SCAMP1: variants seen among roughly 807,000 people sequenced by gnomAD.
SCAMP1 encodes the protein secretory carrier membrane protein 1, also known as secretory carrier-associated membrane protein 1.
SCAMP1 carries 15 observed loss-of-function variants against 41.8 expected under a neutral mutation model. The observed-to-expected ratio is 0.36, with a 90% confidence interval of 0.24 to 0.55. The LOEUF (loss-of-function observed/expected upper bound fraction) is 0.55, where lower values mean the gene tolerates loss of function less well. Ranked by LOEUF, SCAMP1 falls within the 20% of genes least tolerant of loss-of-function variation. The probability of loss-of-function intolerance (pLI) is 0.86; values close to 1 mark genes in which losing one functional copy is unlikely to be tolerated. For missense variants in SCAMP1, 341 were observed against 412.6 expected, an observed-to-expected ratio of 0.83 and a Z score of 1.50; for synonymous variants, 135 against 136.8, an observed-to-expected ratio of 0.99 and a Z score of 0.09.
chr5:78,449,863 A>T, intron 6 of SCAMP1, 70 bp from the exon 7 acceptor site: 1 of 804,038 alleles, frequency 1.2e-6, no homozygotes, highest in East Asian at 2.6e-5. Context: ...TAATGAGAAA[A>T]ATGACGTTTT....
At chr5:78,384,979 G>T (rs965333738) in intron 1 of SCAMP1, among the ~76,000 whole-genome samples, 3 of 152,084 alleles carry the variant, frequency 2.0e-5, no homozygotes, top group Admixed American at 6.6e-5. Flanking sequence ...ATGATTTAGG[G>T]GGGGATTCCC....
intron 7 of SCAMP1, among the ~76,000 whole-genome samples, chr5:78,456,655 A>T (rs10060230): frequency 0.76 from 112,467 of 148,040 alleles, 43,389 homozygotes; most frequent in African/African-American, 0.84. Context: ...ATCTGACAAT[A>T]ATGTGTCTTG....
At chr5:78,421,405 T>C (rs1343798987) in intron 5 of SCAMP1, among the ~76,000 whole-genome samples, 3 of 152,202 alleles carry the variant, frequency 2.0e-5, no homozygotes, top group Non-Finnish European at 4.4e-5. Context: ...CCCCATTCTG[T>C]AAAGATATGG....
chr5:78,399,517 G>A (rs1221461262), intron 2 of SCAMP1, among the ~76,000 whole-genome samples: 4 of 152,132 alleles, frequency 2.6e-5, no homozygotes, highest in Admixed American at 2.6e-4. Context: ...CATCTTAATT[G>A]GTGTGTAGTG....
At chr5:78,455,038 A>G (rs1332036322) in intron 7 of SCAMP1, among the ~76,000 whole-genome samples, 1 of 151,662 alleles carries the variant, frequency 6.6e-6, no homozygotes, top group African/African-American at 2.4e-5. Context: ...TATCCCCTTT[A>G]TCATTTTTTA....
At chr5:78,398,355 C>CTTTTTTTTTTTTTTTT (rs1197381285) in intron 2 of SCAMP1, among the ~76,000 whole-genome samples, 3 of 57,464 alleles carry the variant, frequency 5.2e-5, no homozygotes, top group African/African-American at 2.2e-4. Flanking sequence ...GGGTTCACCT[C>CTTTTTTTTTTTTTTTT]TTTTTTTTTT....
chr5:78,421,015 A>T lies in SCAMP1; in HGVS notation c.473-786A>T, dbSNP rs189226327. ...AAATTCAGCCTGTGAATAAATTTTT[A>T]AAAAATCCTTTGAAACAGTTATTAA... On this transcript the variant is annotated intron_variant, in intron 5 of 8. Transcript: ENST00000621999. 3.2e-3 allele frequency among the ~76,000 whole-genome samples: 489 copies of T among 152,334 alleles called. 4 individuals are homozygous for T. The highest frequency in any genetic ancestry group is 3.9e-3 in the Non-Finnish European group (262 of 68,028).
intron 6 of SCAMP1, among the ~76,000 whole-genome samples, chr5:78,432,978 T>G (rs1436648981): frequency 6.6e-6 from 1 of 152,190 alleles, no homozygotes; most frequent in Non-Finnish European, 1.5e-5. Context: ...TCAGTTTCAC[T>G]GATTCTCTCC....
At chr5:78,440,543 T>C (rs1159665581) in intron 6 of SCAMP1, among the ~76,000 whole-genome samples, 1 of 152,220 alleles carries the variant, frequency 6.6e-6, no homozygotes, top group African/African-American at 2.4e-5. Context: ...GAACGGCTAA[T>C]GTTGCTGCCT....
chr5:78,416,764 T>C, intron 4 of SCAMP1, 115 bp downstream of exon 4: 1 of 703,170 alleles, frequency 1.4e-6, no homozygotes, highest in Non-Finnish European at 2.3e-6. Flanking sequence ...TTTCCTGTTC[T>C]AACAAGGAGA....
Position 78,439,220 on chromosome 5 carries a change from G to C in SCAMP1, c.633-10713G>C, listed in dbSNP as rs544502983. Among the ~76,000 whole-genome samples the C allele has an allele frequency of 2.6e-5, 4 of 152,130 alleles. No homozygotes were observed. In the East Asian group the frequency reaches 7.7e-4, roughly 29 times the overall value. ...GGGCATTTAGCCCATTTACATTTAG[G>C]GTTAATATTGTTATGTGTGAATTTG... On this transcript the variant is annotated intron_variant, in intron 6 of 8. Coordinates refer to ENST00000621999, the MANE Select transcript of SCAMP1 (RefSeq NM_004866.6).
intron 8 of SCAMP1, among the ~76,000 whole-genome samples, chr5:78,459,727 A>C (rs1435036150): frequency 1.3e-5 from 2 of 152,084 alleles, no homozygotes; most frequent in African/African-American, 2.4e-5. Flanking sequence ...TGATATGTAC[A>C]TTTTATTCAT....
At chr5:78,472,355 A>G (rs910300265) in intron 8 of SCAMP1, among the ~76,000 whole-genome samples, 1 of 152,052 alleles carries the variant, frequency 6.6e-6, no homozygotes, top group Admixed American at 6.6e-5. Flanking sequence ...CATTATCTAC[A>G]TTAGGTATTT....
chr5:78,392,938 G>A (rs537594203), intron 2 of SCAMP1, among the ~76,000 whole-genome samples: 3 of 152,296 alleles, frequency 2.0e-5, no homozygotes. Context: ...TCATAGGACA[G>A]TGTTTGTGAA....
chr5:78,431,552 G>A (rs62364266), intron 6 of SCAMP1, among the ~76,000 whole-genome samples: 1 of 98,704 alleles, frequency 1.0e-5, no homozygotes. Flanking sequence ...TTTTTTTTTG[G>A]ATCAGTTGAG....
At chr5:78,414,403 C>T (rs1251795956) in intron 2 of SCAMP1, among the ~76,000 whole-genome samples, 1 of 152,082 alleles carries the variant, frequency 6.6e-6, no homozygotes, top group African/African-American at 2.4e-5. Flanking sequence ...CTGCCTCAGC[C>T]TCCCAAGTAG....
At chr5:78,365,343 G>A (rs899257129) in intron 1 of SCAMP1, among the ~76,000 whole-genome samples, 2 of 151,412 alleles carry the variant, frequency 1.3e-5, no homozygotes, top group Non-Finnish European at 2.9e-5. Context: ...GCGTGGTGGC[G>A]GGCACCTGTA....
intron 6 of SCAMP1, among the ~76,000 whole-genome samples, chr5:78,424,699 G>A (rs760050609): frequency 3.9e-5 from 6 of 152,052 alleles, no homozygotes; most frequent in Non-Finnish European, 8.8e-5. Context: ...CAGCCTGGGC[G>A]ACAGAGTGAG....
chr5:78,452,657 A>C (rs1753269454), intron 7 of SCAMP1, among the ~76,000 whole-genome samples: 1 of 151,650 alleles, frequency 6.6e-6, no homozygotes, highest in Admixed American at 6.6e-5. Flanking sequence ...ATACGTGTGC[A>C]TGTGTCTTTA....
Sources: allele counts gnomAD v4.1 joint callset (sites outside exome capture counted in the v4.1 genomes callset), GRCh38; gene constraint gnomAD v4.1.1; transcripts MANE v1.5; gene names NCBI Gene and HGNC (gene_info 2026-07-23, HGNC 2026-07-21).